Variants in MED1 observed in about 807,000 individuals in gnomAD.
The protein encoded by MED1 is mediator complex subunit 1.
In MED1, 17 loss-of-function variants were observed where a neutral mutation model predicts 121.3. The ratio of observed to expected loss-of-function variants is 0.14; its 90% CI spans 0.10 to 0.21. The LOEUF is 0.21. Among genes scored for constraint, MED1 ranks in the 10% least tolerant of loss-of-function variants. MED1 has a pLI of 1.00. For missense variants in MED1, 1,558 were observed against 1,919.4 expected, an observed-to-expected ratio of 0.81 and a Z score of 3.52; for synonymous variants, 661 against 694.4, an observed-to-expected ratio of 0.95 and a Z score of 0.76.
chr17:39,407,467 T>G lies in MED1; in HGVS notation c.*8A>C, dbSNP rs773075023. On this transcript the variant is annotated 3_prime_UTR_variant, in exon 17 of 17. Coordinates refer to ENST00000300651, the MANE Select transcript of MED1 (RefSeq NM_004774.4). ...CTCTGGCCCTGTTTCTTTTAGGAAA[T>G]AAGGTTCCTAATTCCCAATCAGGGC... 6.3e-7 allele frequency: 1 copy of G among 1,584,996 alleles called. No individual in the cohort carries two copies. The highest frequency in any genetic ancestry group is 1.9e-5 in the Admixed American group (1 of 53,704).
rs548342931 is a variant in MED1 at position 39,442,737 on chromosome 17, C to A, written c.211+813G>T. Among the ~76,000 whole-genome samples the A allele has an allele frequency of 2.1e-4, 31 of 150,480 alleles. 1 individual carries two copies. The South Asian group carries it at 3.8e-3, about 18-fold the overall frequency. ...GCCTGACCAACATGGAAAACCCTGT[C>A]TCTACTAAAAATATAAAATTACCCG... On this transcript the variant is annotated intron_variant, in intron 3 of 16. Coordinates refer to ENST00000300651, the MANE Select transcript of MED1 (RefSeq NM_004774.4).
chr17:39,409,438 G>C lies in MED1; in HGVS notation c.2783C>G (p.Thr928Arg). ...TACTGAAATAATACTGAAATCAACT[G>C]TGTCGGCTTGGTTATTGCCCTTAAA... ...TKFKGNNQAD[T>R]VDFSIISVAG... The change falls in exon 17 of 17, where the codon ACA becomes AGA. Residue 928 changes from threonine to arginine, a missense_variant. Transcript: ENST00000300651. The C allele has an allele frequency of 1.2e-6, 2 of 1,614,096 alleles. No homozygotes were observed. Among genetic ancestry groups the C allele is most frequent in the Non-Finnish European group, 1.7e-6 (2 of 1,180,028 alleles).
intron 3 of MED1, among the ~76,000 whole-genome samples, chr17:39,441,312 G>A (rs549910249): frequency 2.2e-4 from 34 of 152,230 alleles, no homozygotes; most frequent in African/African-American, 7.7e-4. Context: ...GGGGGAAGGC[G>A]GGAATGGGAC....
chr17:39,409,096 G>A lies in MED1; in HGVS notation c.3125C>T (p.Ser1042Leu), dbSNP rs745526718. The A allele has an allele frequency of 1.4e-5, 22 of 1,614,150 alleles. No individual in the cohort carries two copies. The highest frequency in any genetic ancestry group is 1.9e-5 in the Non-Finnish European group (22 of 1,180,032). ...CTGAGATCTTCCTGCACTGCCTGGCGATTTAGATCCACCTGTACTGGTAGG... is the reference window on the plus strand; with the variant it reads ...CTGAGATCTTCCTGCACTGCCTGGCAATTTAGATCCACCTGTACTGGTAGG... ...TPPTSTGGSK[S>L]PGSAGRSQTP... Residue 1042 changes from serine (S) to leucine (L), a missense_variant, in exon 17 of 17, where the codon TCG becomes TTG. Physicochemically the swap from Ser to Leu is moderately radical, Grantham distance 145. Around this residue, in one of 5 missense-constraint regions of MED1, gnomAD observed 793 missense variants for 898.2 expected, o/e 0.88. Coordinates refer to ENST00000300651, the MANE Select transcript of MED1 (RefSeq NM_004774.4).
Position 39,409,116 on chromosome 17 carries a change from G to A in MED1, c.3105C>T (p.Thr1035=). 1.2e-6 allele frequency: 2 copies of A among 1,614,136 alleles called. No homozygotes were observed. Among genetic ancestry groups the A allele is most frequent in the South Asian group, 2.2e-5 (2 of 91,080 alleles). The change falls in exon 17 of 17, where the codon ACC becomes ACT. Residue 1035 remains threonine, a synonymous_variant. Coordinates refer to ENST00000300651, the MANE Select transcript of MED1 (RefSeq NM_004774.4). ...SSSNRPFTPP[T]STGGSKSPGS... is the part of the protein sequence containing the mutation. Reference sequence around the variant, plus strand: ...CTGGCGATTTAGATCCACCTGTACTGGTAGGTGGGGTAAAAGGTCTGTTAG... The same window carrying A: ...CTGGCGATTTAGATCCACCTGTACTAGTAGGTGGGGTAAAAGGTCTGTTAG...
chr17:39,410,655 G>C lies in MED1; in HGVS notation c.1566C>G (p.Thr522=), dbSNP rs1243291402. Residue 522 remains threonine, a synonymous_variant, in exon 17 of 17, where the codon ACC becomes ACG. Coordinates refer to ENST00000300651, the MANE Select transcript of MED1 (RefSeq NM_004774.4). Reference sequence around the variant, plus strand: ...TCTCTGCAATGAGGGACAGTGCTGGGGTGTCGGCTTGAATGGTTTCAGCTT... The same window carrying C: ...TCTCTGCAATGAGGGACAGTGCTGGCGTGTCGGCTTGAATGGTTTCAGCTT... ...RRKAETIQAD[T]PALSLIAETV... The C allele has an allele frequency of 1.1e-5, 18 of 1,614,114 alleles. No homozygotes were observed. Among genetic ancestry groups the C allele is most frequent in the Non-Finnish European group, 1.5e-5 (18 of 1,180,020 alleles).
intron 8 of MED1, 69 bp downstream of exon 8, chr17:39,431,873 A>G (rs1475853457): frequency 9.1e-7 from 1 of 1,101,216 alleles, no homozygotes; most frequent in Non-Finnish European, 1.4e-6. Flanking sequence ...AGATGTATAA[A>G]ATAGGACCCT....
At position 39,405,289 on chromosome 17, in the gene MED1, C is replaced by A; in HGVS notation, c.*2186G>T. 1 of 1,605,478 alleles carries A rather than the reference C, an allele frequency of 6.2e-7. No homozygotes were observed. The highest frequency in any genetic ancestry group is 8.5e-7 in the Non-Finnish European group (1 of 1,176,562). On this transcript the variant is annotated 3_prime_UTR_variant, in exon 17 of 17. Coordinates refer to ENST00000300651, the MANE Select transcript of MED1 (RefSeq NM_004774.4). The stretch of plus-strand genomic sequence containing the variant: ...CAGGGGCTTATCCTTCATCCAGATC[C>A]TAACTCGGGATTCTTTGATCTGGGA...
intron 16 of MED1, among the ~76,000 whole-genome samples, chr17:39,413,267 A>T (rs886903069): frequency 6.6e-6 from 1 of 151,784 alleles, no homozygotes; most frequent in Non-Finnish European, 1.5e-5. Flanking sequence ...TTATTTAGTT[A>T]GTTTGTTTGT....
At chr17:39,431,491 CT>C (rs1274666223) in intron 8 of MED1, among the ~76,000 whole-genome samples, 1 of 152,050 alleles carries the variant, frequency 6.6e-6, no homozygotes, top group African/African-American at 2.4e-5. Flanking sequence ...ATTGGGCAGG[CT>C]GGTCTCGAAC....
chr17:39,436,339 C>T (rs749118154), intron 6 of MED1, among the ~76,000 whole-genome samples: 2 of 138,590 alleles, frequency 1.4e-5, no homozygotes, highest in African/African-American at 2.7e-5. Context: ...CCAGCCTGGG[C>T]GACAGAGCAA....
rs2048569079 is a variant in MED1 at position 39,431,989 on chromosome 17, A to G, written c.528T>C (p.Ala176=). The change falls in exon 8 of 17, where the codon GCT becomes GCC. Residue 176 remains alanine (A), a synonymous_variant. Coordinates refer to ENST00000300651, the MANE Select transcript of MED1 (RefSeq NM_004774.4). ...DNKLKTKMYL[A]LQSLEQDLSK... is the part of the protein sequence containing the mutation. ...AAAGATCTTGTTCTAAGGATTGGAG[A>G]GCCAAGTACATTTTAGTCTTCAGTT... is the stretch of plus-strand genomic sequence containing the variant. 1.2e-6 allele frequency: 2 copies of G among 1,608,882 alleles called. No individual in the cohort carries two copies. The highest frequency in any genetic ancestry group is 1.1e-5 in the South Asian group (1 of 90,952).
At chr17:39,451,017 C>T (rs1395266112) in intron 1 of MED1, 21 bp downstream of exon 1, 1 of 1,605,812 alleles carries the variant, frequency 6.2e-7, no homozygotes, top group South Asian at 1.1e-5. Context: ...CCGCCCCCTC[C>T]TTTCCCCTAC....
intron 3 of MED1, among the ~76,000 whole-genome samples, chr17:39,442,905 C>CAAAAAA (rs751236293): frequency 7.5e-4 from 13 of 17,312 alleles, no homozygotes; most frequent in African/African-American, 9.5e-4. Context: ...AACTCCATCT[C>CAAAAAA]AAAAAAAAAA....
At chr17:39,441,237 A>AT (rs1159460188) in intron 3 of MED1, among the ~76,000 whole-genome samples, 1 of 151,960 alleles carries the variant, frequency 6.6e-6, no homozygotes, top group Non-Finnish European at 1.5e-5. Flanking sequence ...GATTCCACTT[A>AT]TATCAGGTAT....
intron 16 of MED1, among the ~76,000 whole-genome samples, chr17:39,412,160 A>C (rs572101883): frequency 6.6e-6 from 1 of 151,974 alleles, no homozygotes; most frequent in Non-Finnish European, 1.5e-5. Flanking sequence ...TTTCCAGATA[A>C]ATTTATATTC....
chr17:39,414,634 CTTTTTTTTTTTTT>C lies in MED1; in HGVS notation c.1499+379_1499+391del, dbSNP rs55829399. 4.0e-3 allele frequency among the ~76,000 whole-genome samples: 249 copies of C among 61,544 alleles called. 8 individuals carry two copies. Among genetic ancestry groups the C allele is most frequent in the East Asian group, 0.037 (62 of 1,662 alleles). 40.4% of individuals were successfully genotyped at this position (61,544 alleles called of 152,430 possible). A position where few individuals can be genotyped will look rare whatever the true frequency, so the allele number is the denominator to read the frequency against. On this transcript the variant is annotated intron_variant, in intron 16 of 16. Transcript: ENST00000300651. The stretch of plus-strand genomic sequence containing the variant: ...ACAGGCGTGAGCCACCAGGCCCGGC[CTTTTTTTTTTTTT>C]TTTTTTTTTTTTTTTTTTTTTTTTT...
chr17:39,408,871 C>G lies in MED1; in HGVS notation c.3350G>C (p.Ser1117Thr). The G allele has an allele frequency of 6.2e-7, 1 of 1,614,116 alleles. No individual in the cohort carries two copies. The highest frequency in any genetic ancestry group is 8.5e-7 in the Non-Finnish European group (1 of 1,180,038). ...SASTSGKMKSSKSEGSSSSKL... is the reference protein window; with the variant it reads ...SASTSGKMKSTKSEGSSSSKL... The stretch of plus-strand genomic sequence containing the variant: ...GGAACTTGATGAACCTTCTGATTTA[C>G]TGCTTTTCATCTTCCCTGAGGTGGA... Residue 1117 changes from serine to threonine, a missense_variant, in exon 17 of 17, where the codon AGT becomes ACT. Physicochemically the swap from Ser to Thr is moderately conservative, Grantham distance 58. Around this residue, in one of 5 missense-constraint regions of MED1, gnomAD observed 793 missense variants for 898.2 expected, o/e 0.88. Transcript: ENST00000300651. The surrounding 1 kb of genome is among the most constrained non-coding windows in gnomAD (Gnocchi z 4.7).
intron 7 of MED1, among the ~76,000 whole-genome samples, chr17:39,433,601 T>C (rs2048590229): frequency 6.6e-6 from 1 of 151,750 alleles, no homozygotes; most frequent in South Asian, 2.1e-4. Flanking sequence ...TCAACCAGGC[T>C]GGAGCACAGT....
Sources: allele counts gnomAD v4.1 joint callset (sites outside exome capture counted in the v4.1 genomes callset), GRCh38; gene constraint gnomAD v4.1.1; regional missense constraint gnomAD v4.1.1; non-coding constraint Gnocchi (gnomAD v3.1); transcripts MANE v1.5; gene names NCBI Gene and HGNC (gene_info 2026-07-23, HGNC 2026-07-21).